CAMK1D: variants seen among roughly 807,000 people sequenced by gnomAD.
CAMK1D encodes calcium/calmodulin dependent protein kinase ID, also known as calcium/calmodulin-dependent protein kinase type 1D.
CAMK1D carries 9 observed loss-of-function variants against 47.7 expected under a neutral mutation model. The observed-to-expected ratio is 0.19, with a 90% CI of 0.11 to 0.33. The LOEUF is 0.33. Among genes scored for constraint, CAMK1D ranks in the 10% least tolerant of loss-of-function variants. The pLI is 1.00. For missense variants in CAMK1D, 291 were observed against 488.7 expected (o/e 0.60, Z 3.81); for synonymous variants, 184 against 184.9 (o/e 0.99, Z 0.04).
At chr10:12,448,426 C>T (rs999841691) in intron 1 of CAMK1D, among the ~76,000 whole-genome samples, 4 of 151,458 alleles carry the variant, frequency 2.6e-5, no homozygotes, top group African/African-American at 9.7e-5. Context: ...GAACTCCTGG[C>T]CTCAAGTGAT....
intron 1 of CAMK1D, among the ~76,000 whole-genome samples, chr10:12,532,198 A>C (rs1239337081): frequency 6.6e-6 from 1 of 152,172 alleles, no homozygotes; most frequent in Non-Finnish European, 1.5e-5. Context: ...TAATTTTCTT[A>C]ATTTGGTACT....
chr10:12,677,430 G>A (rs1179028976), intron 3 of CAMK1D, among the ~76,000 whole-genome samples: 1 of 152,134 alleles, frequency 6.6e-6, no homozygotes, highest in Non-Finnish European at 1.5e-5. Flanking sequence ...CATTGCGGGG[G>A]TGGGAAGGGG....
chr10:12,384,666 C>T (rs1838439181), intron 1 of CAMK1D, among the ~76,000 whole-genome samples: 1 of 152,112 alleles, frequency 6.6e-6, no homozygotes. Context: ...CATTGTCTCA[C>T]ACTGTATGTA....
At chr10:12,417,770 C>G (rs1465959105) in intron 1 of CAMK1D, among the ~76,000 whole-genome samples, 1 of 151,714 alleles carries the variant, frequency 6.6e-6, no homozygotes, top group Middle Eastern at 3.2e-3. Flanking sequence ...TAGTGGGCAT[C>G]TCTATGCTCT....
At chr10:12,408,316 C>G (rs1397135514) in intron 1 of CAMK1D, among the ~76,000 whole-genome samples, 1 of 152,042 alleles carries the variant, frequency 6.6e-6, no homozygotes, top group African/African-American at 2.4e-5. Flanking sequence ...CGCCCGCTAC[C>G]TCGCCCGGCT....
At chr10:12,650,004 G>A (rs537516419) in intron 2 of CAMK1D, among the ~76,000 whole-genome samples, 32 of 152,318 alleles carry the variant, frequency 2.1e-4, no homozygotes, top group African/African-American at 7.5e-4. Flanking sequence ...AGAAAACACC[G>A]CCTTTAGTTT....
chr10:12,673,956 T>G (rs1840711930), intron 3 of CAMK1D, among the ~76,000 whole-genome samples: 1 of 152,178 alleles, frequency 6.6e-6, no homozygotes, highest in Non-Finnish European at 1.5e-5. Flanking sequence ...ATTAAATTTT[T>G]TTTTCAGTAG....
Position 12,349,783 on chromosome 10 carries a change from G to T in CAMK1D, c.-36G>T, listed in dbSNP as rs762193896. On this transcript the variant is annotated 5_prime_UTR_variant, in exon 1 of 11. Coordinates refer to ENST00000619168, the MANE Select transcript of CAMK1D (RefSeq NM_153498.4). ...GCCCCCGGCGCCCCCTCCCCAGCGC[G>T]CCCCCGGCCGCTCCTCCGCGCCGCG... 13 of 1,182,644 alleles carry T rather than the reference G, an allele frequency of 1.1e-5. 1 individual carries two copies. Among genetic ancestry groups the T allele is most frequent in the Non-Finnish European group, 1.4e-5 (13 of 917,042 alleles). 73.3% of individuals were successfully genotyped at this position (1,182,644 alleles called of 1,614,324 possible).
At chr10:12,371,155 A>T (rs1043956250) in intron 1 of CAMK1D, among the ~76,000 whole-genome samples, 15 of 152,194 alleles carry the variant, frequency 9.9e-5, no homozygotes, top group Non-Finnish European at 2.9e-5. Context: ...ACAGTAGTGT[A>T]GAGTAATGCT....
chr10:12,482,646 G>A (rs975657936), intron 1 of CAMK1D, among the ~76,000 whole-genome samples: 2 of 152,126 alleles, frequency 1.3e-5, no homozygotes, highest in Non-Finnish European at 2.9e-5. Flanking sequence ...GCGTGTATAC[G>A]TGACACACAC....
intron 2 of CAMK1D, among the ~76,000 whole-genome samples, chr10:12,613,265 C>T (rs1025408137): frequency 2.6e-5 from 4 of 152,178 alleles, no homozygotes; most frequent in Admixed American, 6.5e-5. Context: ...GGCACCTAAG[C>T]GTGATAGATG....
intron 6 of CAMK1D, among the ~76,000 whole-genome samples, chr10:12,803,466 G>T (rs1838572670): frequency 6.6e-6 from 1 of 152,158 alleles, no homozygotes; most frequent in Non-Finnish European, 1.5e-5. Context: ...CAGGTCACTT[G>T]AGGTCAGGAG....
chr10:12,460,567 G>A (rs1833393527), intron 1 of CAMK1D, among the ~76,000 whole-genome samples: 1 of 151,976 alleles, frequency 6.6e-6, no homozygotes, highest in Admixed American at 6.6e-5. Context: ...TGAGTAGCTG[G>A]GACTACAGGC....
intron 1 of CAMK1D, among the ~76,000 whole-genome samples, chr10:12,378,120 A>G (rs763329524): frequency 6.6e-6 from 1 of 152,124 alleles, no homozygotes; most frequent in Admixed American, 6.5e-5. Context: ...CTAGACACCA[A>G]TTATTTCCTG....
chr10:12,645,760 G>A (rs1839794292), intron 2 of CAMK1D, among the ~76,000 whole-genome samples: 2 of 152,150 alleles, frequency 1.3e-5, no homozygotes, highest in African/African-American at 4.8e-5. Flanking sequence ...GAGTTGGACG[G>A]CTGATGGGCG....
At chr10:12,435,478 TC>T (rs1832607033) in intron 1 of CAMK1D, among the ~76,000 whole-genome samples, 1 of 152,032 alleles carries the variant, frequency 6.6e-6, no homozygotes, top group Non-Finnish European at 1.5e-5. Context: ...AGGCTGGAGT[TC>T]CTGTTACCTC....
intron 1 of CAMK1D, among the ~76,000 whole-genome samples, chr10:12,466,807 G>A (rs1299590799): frequency 1.3e-5 from 2 of 152,024 alleles, no homozygotes; most frequent in Non-Finnish European, 2.9e-5. Context: ...AGGTCGTGGC[G>A]GCAGCTACAC....
At chr10:12,572,630 T>C (rs919285336) in intron 2 of CAMK1D, among the ~76,000 whole-genome samples, 2 of 152,048 alleles carry the variant, frequency 1.3e-5, no homozygotes, top group African/African-American at 4.8e-5. Context: ...TACTTTTTTT[T>C]TCTAAAGTTT....
intron 1 of CAMK1D, among the ~76,000 whole-genome samples, chr10:12,443,070 C>G (rs527597765): frequency 5.2e-4 from 79 of 152,224 alleles, no homozygotes; most frequent in African/African-American, 1.9e-3. Context: ...CATATGAACT[C>G]ACAGCAGTAG....
Sources: gnomAD v4.1 joint callset for allele counts (sites outside exome capture counted in the v4.1 genomes callset) on GRCh38, gnomAD v4.1.1 for gene constraint, MANE v1.5 for transcripts, NCBI Gene and HGNC (gene_info 2026-07-23, HGNC 2026-07-21) for gene names.